ESYT3: variants seen among roughly 807,000 people sequenced by gnomAD.
The protein encoded by ESYT3 is extended synaptotagmin 3.
Under a neutral mutation model 111.5 loss-of-function variants are expected in ESYT3, and 101 were observed. The observed-to-expected ratio is 0.91, with a 90% CI of 0.77 to 1.07. The LOEUF (loss-of-function observed/expected upper bound fraction) is 1.07. Among genes scored for constraint, ESYT3 ranks in the 50% least tolerant of loss-of-function variants. ESYT3 has a pLI of 0.00. For missense variants in ESYT3, 1,097 were observed against 1,109.4 expected (o/e 0.99, Z 0.16); for synonymous variants, 416 against 446.8 (o/e 0.93, Z 0.87).
At chr3:138,472,140 T>C (rs1451781548) in intron 17 of ESYT3, among the ~76,000 whole-genome samples, 1 of 152,260 alleles carries the variant, frequency 6.6e-6, no homozygotes, top group Non-Finnish European at 1.5e-5. Context: ...TATTTTCTTG[T>C]GAATTTGGCT....
intron 1 of ESYT3, among the ~76,000 whole-genome samples, chr3:138,446,375 T>C (rs1375696638): frequency 6.6e-6 from 1 of 152,212 alleles, no homozygotes; most frequent in Non-Finnish European, 1.5e-5. Context: ...ATGTAACCTC[T>C]CTGAACTTTA....
intron 1 of ESYT3, among the ~76,000 whole-genome samples, chr3:138,444,904 C>A (rs983651987): frequency 1.3e-5 from 2 of 152,210 alleles, no homozygotes; most frequent in Non-Finnish European, 2.9e-5. Flanking sequence ...TAGTCAGGAA[C>A]CCCCGGAGGC....
Position 138,457,605 on chromosome 3 carries a change from C to A in ESYT3, c.542C>A (p.Thr181Lys), listed in dbSNP as rs757233859. ...RVNGVKAHTNTCNRRRVTVDL... is the reference protein window; with the variant it reads ...RVNGVKAHTNKCNRRRVTVDL... ...AACGGTGTCAAGGCACACACTAATACGTGCAACCGAAGACGTGTGACTGTG... is the reference window on the plus strand; with the variant it reads ...AACGGTGTCAAGGCACACACTAATAAGTGCAACCGAAGACGTGTGACTGTG... Residue 181 changes from threonine (T) to lysine (K), a missense_variant, in exon 4 of 23, where the codon ACG becomes AAG. Coordinates refer to ENST00000389567, the MANE Select transcript of ESYT3 (RefSeq NM_031913.5). 6.2e-7 allele frequency: 1 copy of A among 1,614,194 alleles called. No homozygotes were observed.
At chr3:138,448,473 A>G (rs549932536) in intron 1 of ESYT3, among the ~76,000 whole-genome samples, 3 of 149,436 alleles carry the variant, frequency 2.0e-5, no homozygotes, top group Non-Finnish European at 4.4e-5. Context: ...AAAAAGATGC[A>G]ATTTTTTTTT....
At position 138,464,369 on chromosome 3, in the gene ESYT3, GAGGCAGAGC is replaced by G; in HGVS notation, c.943_951del (p.Ala315_Gln317del). 5 of 1,614,152 alleles carry G rather than the reference GAGGCAGAGC, an allele frequency of 3.1e-6. No individual in the cohort carries two copies. Among genetic ancestry groups the G allele is most frequent in the Non-Finnish European group, 4.2e-6 (5 of 1,179,988 alleles). ...GGGGGTGATCAGAGTGCACTTGCTG[GAGGCAGAGC>G]AGCTGGCCCAGAAGGACAACTTTCT... On this transcript the variant is annotated inframe_deletion, in exon 9 of 23. Transcript: ENST00000389567.
In ESYT3 at chr3:138,477,160, G is replaced by A. The variant is rs911298632; in HGVS notation, c.*306G>A. 2.0e-5 allele frequency: 5 copies of A among 249,352 alleles called. No individual in the cohort carries two copies. Among genetic ancestry groups the A allele is most frequent in the Middle Eastern group, 1.4e-3 (1 of 730 alleles). The allele number at this position is 249,352 out of a possible 1,614,324, so 15.4% of individuals were successfully genotyped here. ...TCAGTGTTTATATACTTAAACAAGTGCCACTTTTTAGTAGGTAATTATATA... is the reference window on the plus strand; with the variant it reads ...TCAGTGTTTATATACTTAAACAAGTACCACTTTTTAGTAGGTAATTATATA... On this transcript the variant is annotated 3_prime_UTR_variant, in exon 23 of 23. Coordinates refer to ENST00000389567, the MANE Select transcript of ESYT3 (RefSeq NM_031913.5).
At chr3:138,474,925 T>C (rs926732864) in intron 20 of ESYT3, among the ~76,000 whole-genome samples, 14 of 152,222 alleles carry the variant, frequency 9.2e-5, no homozygotes, top group African/African-American at 3.4e-4. Context: ...GAAGTCTGAA[T>C]CTCATCAGCG....
At chr3:138,439,430 A>G (rs2108590434) in intron 1 of ESYT3, among the ~76,000 whole-genome samples, 1 of 152,250 alleles carries the variant, frequency 6.6e-6, no homozygotes. Flanking sequence ...TGCCCGCGCT[A>G]GAGCTGCCTT....
rs1231719609 is a variant in ESYT3, at chr3:138,478,195, AG to A, written c.*1343del. 43 of 152,242 alleles carry A rather than the reference AG, an allele frequency of 2.8e-4. No homozygotes were observed. Among genetic ancestry groups the A allele is most frequent in the African/African-American group, 9.9e-4 (41 of 41,466 alleles). 9.4% of individuals were successfully genotyped at this position (152,242 alleles called of 1,614,324 possible). Reference sequence around the variant, plus strand: ...AGAAATGTTGATTAGGCATCTGCTAAGGTTACATGCTAAGCAGCTACTTATA... The same window carrying A: ...AGAAATGTTGATTAGGCATCTGCTAAGTTACATGCTAAGCAGCTACTTATA... On this transcript the variant is annotated 3_prime_UTR_variant, in exon 23 of 23. Coordinates refer to ENST00000389567, the MANE Select transcript of ESYT3 (RefSeq NM_031913.5).
intron 22 of ESYT3, 127 bp from the exon 23 acceptor site, chr3:138,476,691 C>A: frequency 8.8e-7 from 1 of 1,139,248 alleles, no homozygotes. Flanking sequence ...CCCTGGCTGG[C>A]CAACTTACAG....
intron 5 of ESYT3, 43 bp downstream of exon 5, chr3:138,459,296 G>GGT: frequency 6.8e-7 from 1 of 1,480,614 alleles, no homozygotes; most frequent in Non-Finnish European, 9.1e-7. Context: ...CAGCCCCCAG[G>GGT]GTGGGGATCA....
At chr3:138,448,717 A>G (rs2031726380) in intron 1 of ESYT3, among the ~76,000 whole-genome samples, 1 of 152,234 alleles carries the variant, frequency 6.6e-6, no homozygotes, top group Admixed American at 6.5e-5. Flanking sequence ...AAAATGGGAA[A>G]GCACTGAGGA....
downstream of ESYT3, chr3:138,481,566 C>G (rs2033688779): frequency 6.6e-6 from 1 of 151,862 alleles, no homozygotes; most frequent in Non-Finnish European, 1.5e-5. Flanking sequence ...CAGGGTTTCA[C>G]TGTGTTAGCC....
Position 138,472,557 on chromosome 3 carries a change from AACC to A in ESYT3, c.1943_1945del (p.Thr648del), listed in dbSNP as rs780238899. The stretch of plus-strand genomic sequence containing the variant: ...CTAAGGACGTATCCAGGAGTACCAC[AACC>A]ACCACCAGTGCTACCACCGTTGCCA... On this transcript the variant is annotated inframe_deletion, in exon 18 of 23. Transcript: ENST00000389567. 1 of 1,614,176 alleles carries A rather than the reference AACC, an allele frequency of 6.2e-7. No individual in the cohort carries two copies. The highest frequency in any genetic ancestry group is 8.5e-7 in the Non-Finnish European group (1 of 1,180,026).
intron 1 of ESYT3, among the ~76,000 whole-genome samples, chr3:138,437,133 C>T (rs1303584695): frequency 6.6e-6 from 1 of 152,146 alleles, no homozygotes; most frequent in African/African-American, 2.4e-5. Flanking sequence ...GAGGGACACT[C>T]AGAGGAAGGT....
chr3:138,473,443 T>C, intron 18 of ESYT3, 93 bp from the exon 19 acceptor site: 2 of 1,108,080 alleles, frequency 1.8e-6, no homozygotes. Context: ...GGCTCTATAC[T>C]CCTCAAGCAG....
intron 5 of ESYT3, 66 bp downstream of exon 5, chr3:138,459,319 C>G (rs1576447165): frequency 7.5e-7 from 1 of 1,333,144 alleles, no homozygotes; most frequent in Non-Finnish European, 1.0e-6. Flanking sequence ...GAAGGGGAAG[C>G]CAGGTCATGC....
chr3:138,444,739 G>T (rs2031411823), intron 1 of ESYT3, among the ~76,000 whole-genome samples: 1 of 152,178 alleles, frequency 6.6e-6, no homozygotes, highest in Non-Finnish European at 1.5e-5. Context: ...ATAATATTCT[G>T]TTTTTTGCCT....
At position 138,435,405 on chromosome 3, in the gene ESYT3, G is replaced by C. The variant is rs2030582283; in HGVS notation, c.327+280G>C. Among the ~76,000 whole-genome samples the C allele has an allele frequency of 1.3e-5, 2 of 152,212 alleles. No individual in the cohort carries two copies. The highest frequency in any genetic ancestry group is 2.9e-5 in the Non-Finnish European group (2 of 68,042). The stretch of plus-strand genomic sequence containing the variant: ...CCCCAGAGCTCGAGAGAAGAGTCAC[G>C]GGCAGACCACACCCGGGAGAAAAAC... On this transcript the variant is annotated intron_variant, in intron 1 of 22. Transcript: ENST00000389567. This position sits in a 1 kb window ranked among gnomAD's most constrained non-coding sequence, Gnocchi z 4.8.
Sources: allele counts gnomAD v4.1 joint callset (sites outside exome capture counted in the v4.1 genomes callset), GRCh38; gene constraint gnomAD v4.1.1; non-coding constraint Gnocchi (gnomAD v3.1); transcripts MANE v1.5; gene names NCBI Gene and HGNC (gene_info 2026-07-23, HGNC 2026-07-21).